Variants in SCMH1 observed in about 807,000 individuals in gnomAD.
SCMH1 encodes the protein Scm polycomb group protein homolog 1.
Under a neutral mutation model 70.8 loss-of-function variants are expected in SCMH1, and 37 were observed. The observed-to-expected ratio is 0.52, with a 90% CI of 0.40 to 0.69. The LOEUF is 0.69. Ranked by LOEUF, SCMH1 falls within the 30% of genes least tolerant of loss-of-function variation. SCMH1 has a pLI of 0.00. For synonymous variants in SCMH1, 292 were observed against 307.4 expected (o/e 0.95, Z 0.52); for missense variants, 607 against 827.3 (o/e 0.73, Z 3.27).
At chr1:41,065,242 G>A (rs1654186489) in intron 10 of SCMH1, among the ~76,000 whole-genome samples, 1 of 152,064 alleles carries the variant, frequency 6.6e-6, no homozygotes, top group East Asian at 1.9e-4. Flanking sequence ...CAGCACTTTG[G>A]GAGATCAAGG....
chr1:41,182,097 G>A (rs1648955042), intron 2 of SCMH1, among the ~76,000 whole-genome samples: 2 of 152,152 alleles, frequency 1.3e-5, no homozygotes, highest in Middle Eastern at 3.4e-3. Context: ...ACTATCGCAA[G>A]GACAAAAAAC....
intron 10 of SCMH1, among the ~76,000 whole-genome samples, chr1:41,064,465 G>A (rs1353671633): frequency 2.6e-5 from 4 of 152,186 alleles, no homozygotes; most frequent in Non-Finnish European, 4.4e-5. Flanking sequence ...GTCCTCAGGT[G>A]ACATGATCGT....
At chr1:41,046,357 C>T in intron 12 of SCMH1, 50 bp downstream of exon 12, 1 of 1,544,094 alleles carries the variant, frequency 6.5e-7, no homozygotes, top group Non-Finnish European at 8.9e-7. Flanking sequence ...GCAGGTGCTG[C>T]TGCTAGCCCT....
At chr1:41,117,212 G>T (rs1475542013) in intron 6 of SCMH1, among the ~76,000 whole-genome samples, 1 of 151,984 alleles carries the variant, frequency 6.6e-6, no homozygotes, top group Non-Finnish European at 1.5e-5. Flanking sequence ...TCATTAGTTT[G>T]TAGCAATTAT....
At chr1:41,210,319 G>C (rs1656697737) in intron 1 of SCMH1, among the ~76,000 whole-genome samples, 1 of 152,124 alleles carries the variant, frequency 6.6e-6, no homozygotes, top group Non-Finnish European at 1.5e-5. Flanking sequence ...TCCCCATCAA[G>C]CTACCAATGA....
At chr1:41,100,571 T>C (rs12733166) in intron 8 of SCMH1, among the ~76,000 whole-genome samples, 14 of 146,348 alleles carry the variant, frequency 9.6e-5, no homozygotes, top group African/African-American at 3.0e-4. Context: ...CTTTTTCTTT[T>C]TTTTTTTTTT....
intron 1 of SCMH1, among the ~76,000 whole-genome samples, chr1:41,201,021 C>T (rs1346688612): frequency 6.6e-6 from 1 of 152,142 alleles, no homozygotes. Context: ...CAACTTTAAC[C>T]TCTTACAGTC....
intron 1 of SCMH1, among the ~76,000 whole-genome samples, chr1:41,222,128 A>C: frequency 6.6e-6 from 1 of 151,870 alleles, no homozygotes; most frequent in African/African-American, 2.4e-5. Context: ...AATACAGAGA[A>C]GGAATAAGAC....
chr1:41,200,092 C>T (rs531368407), intron 1 of SCMH1, among the ~76,000 whole-genome samples: 3 of 152,288 alleles, frequency 2.0e-5, no homozygotes, highest in African/African-American at 7.2e-5. Context: ...TTGGCACTGG[C>T]TTTCAGATCT....
chr1:41,040,033 G>A (rs879064836), intron 12 of SCMH1, among the ~76,000 whole-genome samples: 2 of 151,850 alleles, frequency 1.3e-5, no homozygotes, highest in Admixed American at 1.3e-4. Flanking sequence ...TCAAAGACTG[G>A]GGCTGGAAGA....
At chr1:41,238,786 T>A (rs1157313623) in intron 1 of SCMH1, among the ~76,000 whole-genome samples, 2 of 152,354 alleles carry the variant, frequency 1.3e-5, no homozygotes, top group South Asian at 2.1e-4. Context: ...TATTCCACTT[T>A]CTGACCACAC....
chr1:41,120,343 T>C (rs1671612503), intron 6 of SCMH1, among the ~76,000 whole-genome samples: 1 of 152,174 alleles, frequency 6.6e-6, no homozygotes, highest in African/African-American at 2.4e-5. Context: ...TATATGCCAT[T>C]TCTTACTCAA....
intron 1 of SCMH1, among the ~76,000 whole-genome samples, chr1:41,209,075 A>G (rs1001623845): frequency 2.0e-5 from 3 of 152,240 alleles, no homozygotes. Context: ...AGAAATACAA[A>G]CTACCAAAAT....
intron 12 of SCMH1, among the ~76,000 whole-genome samples, chr1:41,039,584 A>G (rs565762036): frequency 2.6e-5 from 4 of 151,692 alleles, no homozygotes; most frequent in African/African-American, 9.7e-5. Context: ...GGTTCAAGCA[A>G]TTCTTGTGCC....
At chr1:41,140,014 A>G (rs1572526507) in intron 6 of SCMH1, among the ~76,000 whole-genome samples, 1 of 152,236 alleles carries the variant, frequency 6.6e-6, no homozygotes, top group South Asian at 2.1e-4. Flanking sequence ...AAATGACCTT[A>G]TAACACTTAT....
intron 10 of SCMH1, among the ~76,000 whole-genome samples, chr1:41,055,301 A>C (rs1365818956): frequency 6.6e-6 from 1 of 152,164 alleles, no homozygotes; most frequent in Admixed American, 6.5e-5. Flanking sequence ...CCCAGAAAGT[A>C]ATACTGGACC....
intron 1 of SCMH1, among the ~76,000 whole-genome samples, chr1:41,231,926 G>A (rs1313928406): frequency 1.3e-5 from 2 of 151,772 alleles, no homozygotes; most frequent in African/African-American, 4.8e-5. Context: ...GGAGGCTGAG[G>A]CAGGAGAATC....
intron 2 of SCMH1, among the ~76,000 whole-genome samples, chr1:41,166,583 G>A (rs1646419703): frequency 1.3e-5 from 2 of 151,876 alleles, no homozygotes; most frequent in African/African-American, 4.8e-5. Context: ...TTTCTTCTAA[G>A]TATTTTACTT....
chr1:41,034,555 T>C (rs1396132202), intron 13 of SCMH1, among the ~76,000 whole-genome samples: 3 of 152,074 alleles, frequency 2.0e-5, no homozygotes, highest in African/African-American at 7.2e-5. Flanking sequence ...TCTTGATCTC[T>C]TGACCTCGTG....
Sources: gnomAD v4.1 joint callset for allele counts (sites outside exome capture counted in the v4.1 genomes callset) on GRCh38, gnomAD v4.1.1 for gene constraint, MANE v1.5 for transcripts, NCBI Gene and HGNC (gene_info 2026-07-23, HGNC 2026-07-21) for gene names.